Variants in GLIS3 observed in about 807,000 individuals in gnomAD.
GLIS3 encodes the protein zinc finger protein GLIS3.
GLIS3 carries 53 observed loss-of-function variants against 78.6 expected under a neutral mutation model. That is an observed-to-expected ratio of 0.67 (90% CI 0.54 to 0.85). The LOEUF (loss-of-function observed/expected upper bound fraction) is 0.85. GLIS3 is among the 40% of genes least tolerant of loss of function. The pLI, the probability that GLIS3 is intolerant of heterozygous loss-of-function variation, is 0.00. For missense variants in GLIS3, 1,703 were observed against 1,231.1 expected (o/e 1.38, Z -5.74); for synonymous variants, 684 against 509.9 (o/e 1.34, Z -4.60).
At chr9:4,481,188 TA>T in the GLIS3 span, among the ~76,000 whole-genome samples, 2 of 151,542 alleles carry the variant, frequency 1.3e-5, no homozygotes, top group Non-Finnish European at 2.9e-5. Context: ...CTTTTGCATT[TA>T]AAAACATAAC....
the GLIS3 span, among the ~76,000 whole-genome samples, chr9:4,453,961 C>T: frequency 1.3e-5 from 2 of 151,516 alleles, no homozygotes; most frequent in African/African-American, 2.4e-5. Context: ...CAAACCTGCA[C>T]GTTGTGCACA....
At chr9:4,471,644 A>T in the GLIS3 span, among the ~76,000 whole-genome samples, 1 of 152,370 alleles carries the variant, frequency 6.6e-6, no homozygotes, top group African/African-American at 2.4e-5. Context: ...ATCTAAAACC[A>T]TAAAAACCCT....
intron 2 of GLIS3, among the ~76,000 whole-genome samples, chr9:4,184,892 T>C (rs561377076): frequency 6.7e-5 from 2 of 29,922 alleles, no homozygotes; most frequent in Admixed American, 4.4e-4. Flanking sequence ...TATTAAATAT[T>C]GGGTTACATT....
Position 4,108,933 on chromosome 9 carries a change from G to C in GLIS3, c.1710+8835C>G, listed in dbSNP as rs973629951. On this transcript the variant is annotated intron_variant, in intron 4 of 10. Coordinates refer to ENST00000381971, the MANE Select transcript of GLIS3 (RefSeq NM_001042413.2). Reference sequence around the variant, plus strand: ...TGGCTCAAACCCCAGGGGAGGGCTCGTGCTGCCAGAGAAAGAAGCTCAAGT... The same window carrying C: ...TGGCTCAAACCCCAGGGGAGGGCTCCTGCTGCCAGAGAAAGAAGCTCAAGT... 6.6e-5 allele frequency among the ~76,000 whole-genome samples: 10 copies of C among 152,218 alleles called. No individual in the cohort carries two copies. The South Asian group carries it at 2.1e-3, about 32-fold the overall frequency.
chr9:4,007,218 A>G (rs577108112), intron 4 of GLIS3, among the ~76,000 whole-genome samples: 2 of 152,232 alleles, frequency 1.3e-5, no homozygotes, highest in South Asian at 2.1e-4. Context: ...CAGCCTCAGA[A>G]GCCCCTAAAA....
intron 2 of GLIS3, chr9:4,147,732 A>T (rs1453487115): frequency 6.6e-6 from 1 of 151,930 alleles, no homozygotes; most frequent in Non-Finnish European, 1.5e-5. Flanking sequence ...TGGGCAGGTC[A>T]TTAACTTGCC....
At chr9:3,967,018 AAAAAAAAAAAAAAAAC>A (rs1430525590) in intron 4 of GLIS3, among the ~76,000 whole-genome samples, 8 of 137,126 alleles carry the variant, frequency 5.8e-5, no homozygotes, top group South Asian at 4.5e-4. Flanking sequence ...CTGCAAAAAA[AAAAAAAAAAAAAAAAC>A]AAAAAAACAT....
chr9:4,151,884 G>A (rs12344449), intron 2 of GLIS3, among the ~76,000 whole-genome samples: 38,473 of 152,080 alleles, frequency 0.25, 6,832 homozygotes, highest in African/African-American at 0.5. Flanking sequence ...ATTTGAGGTT[G>A]AGACCCTCAG....
chr9:4,224,057 G>T (rs1821554572), intron 2 of GLIS3, among the ~76,000 whole-genome samples: 2 of 150,942 alleles, frequency 1.3e-5, no homozygotes, highest in Non-Finnish European at 2.9e-5. Context: ...GAAACATGTT[G>T]AAAGTGCCAA....
chr9:4,342,443 C>T (rs1305945524), intron 2 of GLIS3, among the ~76,000 whole-genome samples: 1 of 152,100 alleles, frequency 6.6e-6, no homozygotes, highest in Non-Finnish European at 1.5e-5. Context: ...CTATTCTGTT[C>T]CATTGGTCTA....
intron 2 of GLIS3, among the ~76,000 whole-genome samples, chr9:4,173,911 A>G (rs536953578): frequency 7.4e-5 from 9 of 121,228 alleles, no homozygotes; most frequent in Admixed American, 5.2e-4. Flanking sequence ...GTACCCAGTT[A>G]AAACACACAC....
At chr9:4,311,745 G>C (rs1453787705) in intron 2 of GLIS3, among the ~76,000 whole-genome samples, 2 of 152,228 alleles carry the variant, frequency 1.3e-5, no homozygotes, top group Non-Finnish European at 2.9e-5. Flanking sequence ...TGTCCTGGGA[G>C]TTTGAGTTGT....
At chr9:4,242,965 G>C (rs918799381) in intron 2 of GLIS3, among the ~76,000 whole-genome samples, 1 of 152,024 alleles carries the variant, frequency 6.6e-6, no homozygotes, top group Non-Finnish European at 1.5e-5. Context: ...TACTACTCTT[G>C]ATAAGCCATA....
At chr9:4,450,189 T>G in the GLIS3 span, among the ~76,000 whole-genome samples, 1 of 152,136 alleles carries the variant, frequency 6.6e-6, no homozygotes, top group Non-Finnish European at 1.5e-5. Flanking sequence ...ACACGAGAAC[T>G]ATGTGATGCA....
At position 3,889,615 on chromosome 9, in the gene GLIS3, G is replaced by T. The variant is rs75163137; in HGVS notation, c.2128+9076C>A. On this transcript the variant is annotated intron_variant, in intron 7 of 10. Coordinates refer to ENST00000381971, the MANE Select transcript of GLIS3 (RefSeq NM_001042413.2). ...AATTAATCCACTTTATGGATGCCTTGATTTCACTCAGTCATTTTGATGAAT... is the reference window on the plus strand; with the variant it reads ...AATTAATCCACTTTATGGATGCCTTTATTTCACTCAGTCATTTTGATGAAT... Among the ~76,000 whole-genome samples, 1,370 of 152,240 alleles carry T rather than the reference G, an allele frequency of 9.0e-3. 20 individuals are homozygous for T. The highest frequency in any genetic ancestry group is 0.029 in the African/African-American group (1,206 of 41,516).
At chr9:4,383,469 A>G in the GLIS3 span, among the ~76,000 whole-genome samples, 1 of 152,222 alleles carries the variant, frequency 6.6e-6, no homozygotes, top group African/African-American at 2.4e-5. Flanking sequence ...AAGATAACAT[A>G]GAACTCTTCA....
At chr9:3,937,670 A>C (rs1290128375) in intron 4 of GLIS3, among the ~76,000 whole-genome samples, 1 of 152,224 alleles carries the variant, frequency 6.6e-6, no homozygotes, top group Non-Finnish European at 1.5e-5. Flanking sequence ...AGGATGAAAA[A>C]GACATGTGTC....
chr9:4,158,334 A>G (rs113159852), intron 2 of GLIS3, among the ~76,000 whole-genome samples: 1 of 152,200 alleles, frequency 6.6e-6, no homozygotes, highest in African/African-American at 2.4e-5. Context: ...ATGTGTCCAA[A>G]GAGGGCAGAG....
intron 2 of GLIS3, among the ~76,000 whole-genome samples, chr9:4,186,169 A>C (rs573900446): frequency 1.6e-3 from 189 of 115,438 alleles, no homozygotes; most frequent in Non-Finnish European, 2.4e-3. Context: ...CCACAACAGT[A>C]CCCAGAGTGT....
Sources: gnomAD v4.1 joint callset for allele counts (sites outside exome capture counted in the v4.1 genomes callset) on GRCh38, gnomAD v4.1.1 for gene constraint, MANE v1.5 for transcripts, NCBI Gene and HGNC (gene_info 2026-07-23, HGNC 2026-07-21) for gene names.